Variants in NINL observed in about 807,000 individuals in gnomAD.
NINL encodes ninein-like protein.
A neutral mutation model predicts 160.3 loss-of-function variants in NINL; 153 were observed. The ratio of observed to expected loss-of-function variants is 0.95; its 90% CI spans 0.84 to 1.09. NINL has a LOEUF of 1.09. Among genes scored for constraint, NINL ranks in the 50% least tolerant of loss-of-function variants. The pLI is 0.00. For missense variants in NINL, 1,829 were observed against 1,764.0 expected, an observed-to-expected ratio of 1.04 and a Z score of -0.66; for synonymous variants, 800 against 734.8, an observed-to-expected ratio of 1.09 and a Z score of -1.43.
At position 25,467,379 on chromosome 20, in the gene NINL, G is replaced by A. The variant is rs199679197; in HGVS notation, c.3423+10C>T. 1.7e-3 allele frequency: 2,689 copies of A among 1,607,602 alleles called. 1 individual carries two copies. Among genetic ancestry groups the A allele is most frequent in the Non-Finnish European group, 2.1e-3 (2,494 of 1,173,984 alleles). Reference sequence around the variant, plus strand: ...TGGCATGAGCTCCATGCCAGGCGTCGATACGTCACCTGTCTGTTGAGCACC... The same window carrying A: ...TGGCATGAGCTCCATGCCAGGCGTCAATACGTCACCTGTCTGTTGAGCACC... On this transcript the variant is annotated intron_variant, in intron 19 of 23. Coordinates refer to ENST00000278886, the MANE Select transcript of NINL (RefSeq NM_025176.6).
Position 25,476,949 on chromosome 20 carries a change from AGCTCCAGCT to A in NINL, c.2333_2341del (p.Gln778_Glu780del), listed in dbSNP as rs2063268644. The A allele has an allele frequency of 6.2e-7, 1 of 1,610,432 alleles. No individual in the cohort carries two copies. The highest frequency in any genetic ancestry group is 8.5e-7 in the Non-Finnish European group (1 of 1,179,872). ...GGGCTGCAGCTTCAGTGCCCTCTCC[AGCTCCAGCT>A]GCTCCGACCTCTGGCTCCCGCGTGG... On this transcript the variant is annotated inframe_deletion, in exon 17 of 24. Coordinates refer to ENST00000278886, the MANE Select transcript of NINL (RefSeq NM_025176.6).
chr20:25,487,186 G>A (rs2063520197), intron 13 of NINL, among the ~76,000 whole-genome samples: 1 of 152,168 alleles, frequency 6.6e-6, no homozygotes, highest in African/African-American at 2.4e-5. Flanking sequence ...TATAAACTAT[G>A]GTTGCCCAAC....
chr20:25,483,344 AAAAAG>A lies in NINL; in HGVS notation c.1678-1249_1678-1245del, dbSNP rs551715962. On this transcript the variant is annotated intron_variant, in intron 13 of 23. Coordinates refer to ENST00000278886, the MANE Select transcript of NINL (RefSeq NM_025176.6). ...CAAGACTCTGTCTCAACAAAAAAAAAAAAAGAAAAGAAAAGAAAAGAAAATGCAGA... is the reference window on the plus strand; with the variant it reads ...CAAGACTCTGTCTCAACAAAAAAAAAAAAAGAAAAGAAAAGAAAATGCAGA... 4.5e-3 allele frequency among the ~76,000 whole-genome samples: 684 copies of A among 152,178 alleles called. 2 individuals are homozygous for A. Among genetic ancestry groups the A allele is most frequent in the Admixed American group, 6.3e-3 (97 of 15,292 alleles).
At chr20:25,584,947 C>A (rs1486533153) in intron 1 of NINL, among the ~76,000 whole-genome samples, 1 of 152,248 alleles carries the variant, frequency 6.6e-6, no homozygotes, top group African/African-American at 2.4e-5. Flanking sequence ...TTCAATCAAC[C>A]GTCCCAAGCG....
intron 1 of NINL, among the ~76,000 whole-genome samples, chr20:25,566,461 C>G (rs1171495473): frequency 6.6e-6 from 1 of 151,938 alleles, no homozygotes; most frequent in African/African-American, 2.4e-5. Flanking sequence ...CATCAGAACC[C>G]ACCTCAGATC....
intron 3 of NINL, among the ~76,000 whole-genome samples, chr20:25,516,406 A>C (rs935595031): frequency 4.6e-5 from 7 of 152,222 alleles, no homozygotes; most frequent in African/African-American, 1.4e-4. Context: ...AATAGAATTG[A>C]AACAGGTGAG....
chr20:25,550,134 A>G (rs1362641569), intron 1 of NINL, among the ~76,000 whole-genome samples: 1 of 152,228 alleles, frequency 6.6e-6, no homozygotes, highest in Non-Finnish European at 1.5e-5. Flanking sequence ...TAATCCCAGG[A>G]CTTTGGGAAG....
intron 14 of NINL, among the ~76,000 whole-genome samples, chr20:25,480,521 T>C (rs1308094689): frequency 2.0e-5 from 3 of 152,150 alleles, no homozygotes; most frequent in Non-Finnish European, 4.4e-5. Context: ...AAATATGCTG[T>C]GCTATGGTAC....
Position 25,476,167 on chromosome 20 carries a change from G to A in NINL, c.3124C>T (p.Pro1042Ser). The change falls in exon 17 of 24, where the codon CCA becomes TCA. Residue 1042 changes from proline to serine, a missense_variant. Physicochemically the swap from Pro to Ser is moderately conservative, Grantham distance 74. Coordinates refer to ENST00000278886, the MANE Select transcript of NINL (RefSeq NM_025176.6). ...QGSWQEQLAA[P>S]EEGETKIALE... ...GCTATTTTGGTCTCCCCCTCTTCTGGGGCAGCAAGCTGCTCCTGCCAGGAA... is the reference window on the plus strand; with the variant it reads ...GCTATTTTGGTCTCCCCCTCTTCTGAGGCAGCAAGCTGCTCCTGCCAGGAA... The A allele has an allele frequency of 6.2e-7, 1 of 1,614,124 alleles. No individual in the cohort carries two copies. The highest frequency in any genetic ancestry group is 1.1e-5 in the South Asian group (1 of 91,088).
chr20:25,543,999 T>C (rs891866051), intron 1 of NINL, among the ~76,000 whole-genome samples: 2 of 150,868 alleles, frequency 1.3e-5, no homozygotes, highest in Admixed American at 1.3e-4. Flanking sequence ...ATCTTCATTC[T>C]TTCCATTACC....
chr20:25,513,092 C>A (rs376364681), intron 3 of NINL, 86 bp from the exon 4 acceptor site: 2 of 1,353,080 alleles, frequency 1.5e-6, no homozygotes, highest in Admixed American at 2.2e-5. Flanking sequence ...TGAGAAGGTG[C>A]ACACTCAGCA....
chr20:25,519,211 T>C (rs1226160796), intron 2 of NINL, among the ~76,000 whole-genome samples: 1 of 152,206 alleles, frequency 6.6e-6, no homozygotes. Context: ...ATAATACTTT[T>C]ACTGTCTTCT....
chr20:25,465,111 C>T (rs114721961), intron 19 of NINL, among the ~76,000 whole-genome samples: 2,147 of 152,316 alleles, frequency 0.014, 49 homozygotes, highest in African/African-American at 0.046. Flanking sequence ...TGCATCTGCT[C>T]CAGCCTTTAG....
intron 13 of NINL, 120 bp downstream of exon 13, chr20:25,489,124 G>T: frequency 1.0e-6 from 1 of 975,578 alleles, no homozygotes; most frequent in Non-Finnish European, 1.6e-6. Flanking sequence ...CCATGGTCAA[G>T]CATGGCCGCA....
chr20:25,570,783 AC>A lies in NINL; in HGVS notation c.-12+14671del, dbSNP rs373822361. ...AGTGGCGCAATCTCAGCTCACTGCA[AC>A]CTCCACCTCCCAGGCTCATGCGATT... is the stretch of plus-strand genomic sequence containing the variant. On this transcript the variant is annotated intron_variant, in intron 1 of 23. Transcript: ENST00000278886. 1.4e-3 allele frequency among the ~76,000 whole-genome samples: 199 copies of A among 141,826 alleles called. 1 individual carries two copies. Among genetic ancestry groups the A allele is most frequent in the African/African-American group, 5.2e-3 (193 of 37,266 alleles). 93.0% of individuals were successfully genotyped at this position (141,826 alleles called of 152,430 possible).
intron 1 of NINL, among the ~76,000 whole-genome samples, chr20:25,557,195 G>A (rs1438656149): frequency 6.6e-6 from 1 of 152,198 alleles, no homozygotes; most frequent in African/African-American, 2.4e-5. Flanking sequence ...CATGCATACT[G>A]TAAACAAGAA....
chr20:25,456,112 G>T (rs553449612), intron 22 of NINL, among the ~76,000 whole-genome samples: 1 of 151,338 alleles, frequency 6.6e-6, no homozygotes, highest in African/African-American at 2.4e-5. Context: ...GCGTGGTAGC[G>T]TGCACCTGTA....
intron 1 of NINL, among the ~76,000 whole-genome samples, chr20:25,541,137 G>A (rs2064656460): frequency 6.6e-6 from 1 of 152,210 alleles, no homozygotes; most frequent in African/African-American, 2.4e-5. Flanking sequence ...AGACACCTCG[G>A]TACCTATCAA....
intron 1 of NINL, among the ~76,000 whole-genome samples, chr20:25,577,019 T>C (rs906031204): frequency 2.0e-5 from 3 of 152,218 alleles, no homozygotes; most frequent in Non-Finnish European, 4.4e-5. Flanking sequence ...CACAGTTTCC[T>C]GAGGAACCGT....
Sources: gnomAD v4.1 joint callset for allele counts (sites outside exome capture counted in the v4.1 genomes callset) on GRCh38, gnomAD v4.1.1 for gene constraint, MANE v1.5 for transcripts, NCBI Gene and HGNC (gene_info 2026-07-23, HGNC 2026-07-21) for gene names.